The following GALNT10 variants were observed in gnomAD, a reference collection of about 807,000 sequenced individuals.
The protein encoded by GALNT10 is polypeptide N-acetylgalactosaminyltransferase 10, also known as GalNAc transferase 10.
Under a neutral mutation model 75.0 loss-of-function variants are expected in GALNT10, and 41 were observed. The ratio of observed to expected loss-of-function variants is 0.55; its 90% confidence interval spans 0.43 to 0.71. The LOEUF is 0.71. Ranked by LOEUF, GALNT10 falls within the 30% of genes least tolerant of loss-of-function variation. The probability of loss-of-function intolerance (pLI) is 0.00; values close to 1 mark genes in which losing one functional copy is unlikely to be tolerated. For synonymous variants in GALNT10, 302 were observed against 313.0 expected, an observed-to-expected ratio of 0.96 and a Z score of 0.37; for missense variants, 727 against 818.5, an observed-to-expected ratio of 0.89 and a Z score of 1.36.
rs1756500703 is a variant in GALNT10, at chr5:154,416,032, A to G, written c.1653+100A>G. 9.0e-7 allele frequency: 1 copy of G among 1,117,042 alleles called. No individual in the cohort carries two copies. The highest frequency in any genetic ancestry group is 2.5e-5 in the East Asian group (1 of 39,816). 69.2% of individuals were successfully genotyped at this position (1,117,042 alleles called of 1,614,324 possible). A position where few individuals can be genotyped will look rare whatever the true frequency, so the allele number is the denominator to read the frequency against. Reference sequence around the variant, plus strand: ...TTCAACAGAGCCCATCCACTTATTCATTTGTGCCACAAACCTACCATGCCG... The same window carrying G: ...TTCAACAGAGCCCATCCACTTATTCGTTTGTGCCACAAACCTACCATGCCG... On this transcript the variant is annotated intron_variant, in intron 11 of 11. Coordinates refer to ENST00000297107, the MANE Select transcript of GALNT10 (RefSeq NM_198321.4). The surrounding 1 kb of genome is among the most constrained non-coding windows in gnomAD (Gnocchi z 4.5).
intron 1 of GALNT10, among the ~76,000 whole-genome samples, chr5:154,274,735 T>G (rs1753923689): frequency 6.6e-6 from 1 of 152,240 alleles, no homozygotes; most frequent in Non-Finnish European, 1.5e-5. Context: ...GCAAACATGT[T>G]TGTTTATCTA....
chr5:154,415,420 G>A (rs899699842), intron 10 of GALNT10, among the ~76,000 whole-genome samples: 3 of 151,860 alleles, frequency 2.0e-5, no homozygotes, highest in Admixed American at 6.6e-5. Context: ...TCACTGCAAC[G>A]TCTGCCTCCT....
intron 3 of GALNT10, among the ~76,000 whole-genome samples, chr5:154,326,787 T>G (rs1361351171): frequency 6.6e-6 from 1 of 152,156 alleles, no homozygotes; most frequent in African/African-American, 2.4e-5. Context: ...AGGGTTTCTT[T>G]AGGAGTGATG....
intron 4 of GALNT10, among the ~76,000 whole-genome samples, chr5:154,339,726 A>T (rs1192761715): frequency 6.6e-6 from 1 of 152,228 alleles, no homozygotes; most frequent in Non-Finnish European, 1.5e-5. Context: ...ACATTTTAAA[A>T]ACTTGGTGCA....
intron 1 of GALNT10, among the ~76,000 whole-genome samples, chr5:154,212,425 T>C (rs1244267004): frequency 6.6e-6 from 1 of 152,244 alleles, no homozygotes; most frequent in Non-Finnish European, 1.5e-5. Flanking sequence ...ATCCTTGGAA[T>C]TGTGCAGTGG....
intron 3 of GALNT10, among the ~76,000 whole-genome samples, chr5:154,318,910 G>T (rs1223376556): frequency 6.6e-6 from 1 of 152,192 alleles, no homozygotes; most frequent in Non-Finnish European, 1.5e-5. Flanking sequence ...ATAAACCAAA[G>T]GATAGTGAAA....
intron 4 of GALNT10, among the ~76,000 whole-genome samples, chr5:154,369,463 C>T (rs1424715977): frequency 2.0e-5 from 3 of 152,102 alleles, no homozygotes; most frequent in South Asian, 4.1e-4. Flanking sequence ...GGCCTAGGCA[C>T]GTGGTAAGCA....
At chr5:154,393,512 G>A (rs1039991062) in intron 7 of GALNT10, among the ~76,000 whole-genome samples, 12 of 152,116 alleles carry the variant, frequency 7.9e-5, no homozygotes, top group South Asian at 2.1e-4. Flanking sequence ...TCATAAGTAC[G>A]TATTACTTCT....
At chr5:154,233,987 G>A (rs1753205684) in intron 1 of GALNT10, among the ~76,000 whole-genome samples, 9 of 152,094 alleles carry the variant, frequency 5.9e-5, no homozygotes, top group Admixed American at 5.9e-4. Context: ...CAAGGCTCTG[G>A]GAGGGGCCCT....
In GALNT10 at chr5:154,298,424, T is replaced by TTA. The variant is rs1554097598; in HGVS notation, c.401+345_401+346insTA. Among the ~76,000 whole-genome samples the TTA allele has an allele frequency of 6.6e-6, 1 of 152,108 alleles. No homozygotes were observed. The highest frequency in any genetic ancestry group is 2.4e-5 in the African/African-American group (1 of 41,398). ...TCTGTGTGATGTTTTTATTTCTTTT[T>TTA]AAAAAAAATCTTTCTATATATTTGT... On this transcript the variant is annotated intron_variant, in intron 3 of 11. Transcript: ENST00000297107. The surrounding 1 kb of genome is among the most constrained non-coding windows in gnomAD (Gnocchi z 4.1).
chr5:154,252,110 C>G (rs2113017583), intron 1 of GALNT10, among the ~76,000 whole-genome samples: 1 of 152,180 alleles, frequency 6.6e-6, no homozygotes, highest in Non-Finnish European at 1.5e-5. Flanking sequence ...AATAGCAATA[C>G]TAATGCTACC....
intron 7 of GALNT10, among the ~76,000 whole-genome samples, chr5:154,398,765 G>A (rs61708260): frequency 0.2 from 30,070 of 152,138 alleles, 3,371 homozygotes; most frequent in South Asian, 0.27. Context: ...ATATGGTAGC[G>A]AGATTCATAA....
intron 4 of GALNT10, among the ~76,000 whole-genome samples, chr5:154,344,409 A>G (rs553469381): frequency 2.0e-5 from 3 of 152,052 alleles, no homozygotes; most frequent in African/African-American, 7.2e-5. Flanking sequence ...ACAGGGTTTC[A>G]CTATGTTGGC....
At chr5:154,291,615 C>A (rs1227812828) in intron 1 of GALNT10, among the ~76,000 whole-genome samples, 1 of 152,194 alleles carries the variant, frequency 6.6e-6, no homozygotes, top group East Asian at 1.9e-4. Flanking sequence ...AGCGACCCAA[C>A]TTTTGGAATT....
intron 3 of GALNT10, among the ~76,000 whole-genome samples, chr5:154,327,440 G>T (rs555551517): frequency 2.0e-5 from 3 of 152,096 alleles, no homozygotes; most frequent in Admixed American, 6.5e-5. Context: ...ATCTTTTATC[G>T]TAAAACAAAG....
chr5:154,339,852 A>G (rs1219983216), intron 4 of GALNT10, among the ~76,000 whole-genome samples: 1 of 152,200 alleles, frequency 6.6e-6, no homozygotes, highest in Non-Finnish European at 1.5e-5. Context: ...GTAAAAGCCA[A>G]TGGAACACAA....
intron 4 of GALNT10, among the ~76,000 whole-genome samples, chr5:154,371,355 G>A (rs541708923): frequency 7.1e-4 from 108 of 152,092 alleles, no homozygotes; most frequent in African/African-American, 2.6e-3. Context: ...CAACAACCAG[G>A]GGTTAGGACT....
intron 1 of GALNT10, among the ~76,000 whole-genome samples, chr5:154,229,652 G>A (rs1292918808): frequency 6.6e-6 from 1 of 152,058 alleles, no homozygotes; most frequent in Non-Finnish European, 1.5e-5. Flanking sequence ...AGAGTGGCGT[G>A]AACCCAGGAG....
intron 7 of GALNT10, among the ~76,000 whole-genome samples, chr5:154,395,275 G>A (rs892924871): frequency 2.0e-5 from 3 of 152,358 alleles, no homozygotes; most frequent in Middle Eastern, 3.4e-3. Flanking sequence ...CAGGTAAGGA[G>A]GCAGAACAGC....
Sources: allele counts gnomAD v4.1 joint callset (sites outside exome capture counted in the v4.1 genomes callset), GRCh38; gene constraint gnomAD v4.1.1; non-coding constraint Gnocchi (gnomAD v3.1); transcripts MANE v1.5; gene names NCBI Gene and HGNC (gene_info 2026-07-23, HGNC 2026-07-21).